The following DNAH10 variants were observed in gnomAD, a reference collection of about 807,000 sequenced individuals.
DNAH10 encodes dynein axonemal heavy chain 10.
In DNAH10, 348 loss-of-function variants were observed where a neutral mutation model predicts 506.6. That is an observed-to-expected ratio of 0.69 (90% CI 0.63 to 0.75). The LOEUF (loss-of-function observed/expected upper bound fraction) is 0.75, where lower values mean the gene tolerates loss of function less well. Ranked by LOEUF, DNAH10 falls within the 30% of genes least tolerant of loss-of-function variation. The pLI, the probability that DNAH10 is intolerant of heterozygous loss-of-function variation, is 0.00. For missense variants in DNAH10, 5,179 were observed against 5,787.1 expected (o/e 0.89, Z 3.41); for synonymous variants, 2,059 against 2,198.6 (o/e 0.94, Z 1.78).
At chr12:123,786,112 G>A (rs1957840510) in intron 9 of DNAH10, among the ~76,000 whole-genome samples, 176 bp downstream of exon 9, 1 of 151,976 alleles carries the variant, frequency 6.6e-6, no homozygotes, top group South Asian at 2.1e-4. Flanking sequence ...AGCACTTTGG[G>A]AGGCCGAGGT....
chr12:123,868,913 GC>G (rs1951917050), intron 43 of DNAH10, among the ~76,000 whole-genome samples: 1 of 152,210 alleles, frequency 6.6e-6, no homozygotes, highest in African/African-American at 2.4e-5. Context: ...TTTGGGGAGT[GC>G]TTTTCAGCTC....
chr12:123,817,747 T>C (rs931724123), intron 21 of DNAH10, among the ~76,000 whole-genome samples: 3 of 152,178 alleles, frequency 2.0e-5, no homozygotes, highest in Admixed American at 1.3e-4. Context: ...GCCTGTGTGA[T>C]AAATTGGAGA....
chr12:123,799,478 A>G, intron 14 of DNAH10, 107 bp downstream of exon 14: 1 of 1,436,026 alleles, frequency 7.0e-7, no homozygotes, highest in South Asian at 1.5e-5. Flanking sequence ...GTCAGTTTCC[A>G]GAATCAAAGA....
chr12:123,857,827 A>G (rs1254431536), intron 37 of DNAH10, among the ~76,000 whole-genome samples: 1 of 152,228 alleles, frequency 6.6e-6, no homozygotes, highest in African/African-American at 2.4e-5. Flanking sequence ...GAACGTTTTC[A>G]TATTGCAAAA....
At position 123,919,101 on chromosome 12, in the gene DNAH10, G is replaced by A; in HGVS notation, c.11506+152G>A. 9.8e-7 allele frequency: 1 copy of A among 1,020,020 alleles called. No individual in the cohort carries two copies. Among genetic ancestry groups the A allele is most frequent in the Non-Finnish European group, 1.4e-6 (1 of 735,512 alleles). 63.2% of individuals were successfully genotyped at this position (1,020,020 alleles called of 1,614,324 possible). A position where few individuals can be genotyped will look rare whatever the true frequency, so the allele number is the denominator to read the frequency against. On this transcript the variant is annotated intron_variant, in intron 65 of 78. Transcript: ENST00000673944. This position sits in a 1 kb window ranked among gnomAD's most constrained non-coding sequence, Gnocchi z 4.9. Reference sequence around the variant, plus strand: ...TCTTTTTCTTTTTTTTTTGAGATAGGGTCTTGCTCCATCACCCAGGCTGGA... The same window carrying A: ...TCTTTTTCTTTTTTTTTTGAGATAGAGTCTTGCTCCATCACCCAGGCTGGA...
intron 17 of DNAH10, among the ~76,000 whole-genome samples, chr12:123,804,584 G>C (rs989694674): frequency 1.1e-4 from 17 of 151,574 alleles, no homozygotes; most frequent in African/African-American, 4.1e-4. Context: ...AGGAATTCAA[G>C]ATATGTCAAC....
intron 12 of DNAH10, 39 bp downstream of exon 12, chr12:123,794,151 A>G (rs1958189284): frequency 9.1e-7 from 1 of 1,096,102 alleles, no homozygotes; most frequent in Non-Finnish European, 1.1e-6. Flanking sequence ...CATTAAAAAT[A>G]CACTTGGCAA....
At position 123,926,917 on chromosome 12, in the gene DNAH10, C is replaced by A; in HGVS notation, c.12105+97C>A. The A allele has an allele frequency of 7.4e-7, 1 of 1,360,212 alleles. No homozygotes were observed. The highest frequency in any genetic ancestry group is 2.4e-5 in the East Asian group (1 of 41,128). The allele number at this position is 1,360,212 out of a possible 1,614,324, so 84.3% of individuals were successfully genotyped here. ...CCTGGGTTTAAGCTGAGTGCCACGC[C>A]ACAAATCAGTTGGATGCATTTCCGA... On this transcript the variant is annotated intron_variant, in intron 69 of 78. Coordinates refer to ENST00000673944, the MANE Select transcript of DNAH10 (RefSeq NM_001372106.1). This position sits in a 1 kb window ranked among gnomAD's most constrained non-coding sequence, Gnocchi z 4.1.
rs1385354304 is a variant in DNAH10, at chr12:123,929,744, G to T, written c.12597G>T (p.Lys4199Asn). The T allele has an allele frequency of 6.2e-7, 1 of 1,612,694 alleles. No individual in the cohort carries two copies. The highest frequency in any genetic ancestry group is 8.5e-7 in the Non-Finnish European group (1 of 1,179,386). The change falls in exon 72 of 79, where the codon AAG becomes AAT. Residue 4199 changes from lysine to asparagine, a missense_variant. Coordinates refer to ENST00000673944, the MANE Select transcript of DNAH10 (RefSeq NM_001372106.1). ...CAAGGATCCCGTGGGGCAGCCTCAA[G>T]TACCTAATTGGAGAGGTAGGGGTGA... ...RDPRIPWGSL[K>N]YLIGEVMYGG...
At chr12:123,799,416 G>A in intron 14 of DNAH10, 45 bp downstream of exon 14, 1 of 1,582,320 alleles carries the variant, frequency 6.3e-7, no homozygotes, top group Non-Finnish European at 8.6e-7. Flanking sequence ...GTGAGACGAT[G>A]GCGTCTGCCA....
At chr12:123,811,788 C>T (rs536568733) in intron 19 of DNAH10, among the ~76,000 whole-genome samples, 1 of 152,068 alleles carries the variant, frequency 6.6e-6, no homozygotes, top group Non-Finnish European at 1.5e-5. Flanking sequence ...CAGGCGTGAG[C>T]CACTGCGCCT....
In DNAH10 at chr12:123,787,884, C is replaced by T. The variant is rs1247007253; in HGVS notation, c.1502C>T (p.Thr501Ile). The change falls in exon 10 of 79, where the codon ACC becomes ATC. Residue 501 changes from threonine (T) to isoleucine (I), a missense_variant. Thr to Ile is a moderately conservative substitution (Grantham distance 89, BLOSUM62 -1). Around this residue, in one of 3 missense-constraint regions of DNAH10, gnomAD observed 4,844 missense variants for 5,430.5 expected, o/e 0.89. Coordinates refer to ENST00000673944, the MANE Select transcript of DNAH10 (RefSeq NM_001372106.1). The surrounding 1 kb of genome is among the most constrained non-coding windows in gnomAD (Gnocchi z 4.6). ...CTGTGGAAAAAGGCCTATTTTGACA[C>T]CCGGGCCAAGATAGAGGCTTCGGGG... Reference protein sequence around the residue: ...LRLWKKAYFDTRAKIEASGRE... With the variant: ...LRLWKKAYFDIRAKIEASGRE... 2.0e-5 allele frequency: 32 copies of T among 1,613,644 alleles called. No individual in the cohort carries two copies. The highest frequency in any genetic ancestry group is 5.3e-5 in the African/African-American group (4 of 74,934).
rs1952394766 is a variant in DNAH10, at chr12:123,879,292, G to A, written c.8401G>A (p.Val2801Ile). ...CCAGACGGTGGCCCAGATGGTGAGAGTCTGGAGGAATGAGTGTCTGAGAGT... is the reference window on the plus strand; with the variant it reads ...CCAGACGGTGGCCCAGATGGTGAGAATCTGGAGGAATGAGTGTCTGAGAGT... Reference protein sequence around the residue: ...RFQTVAQMVRVWRNECLRVFH... With the variant: ...RFQTVAQMVRIWRNECLRVFH... The change falls in exon 49 of 79, where the codon GTC becomes ATC. Residue 2801 changes from valine (V) to isoleucine (I), a missense_variant. By Grantham distance (29) the Val-to-Ile change is conservative. Coordinates refer to ENST00000673944, the MANE Select transcript of DNAH10 (RefSeq NM_001372106.1). 2 of 1,579,884 alleles carry A rather than the reference G, an allele frequency of 1.3e-6. No homozygotes were observed. Among genetic ancestry groups the A allele is most frequent in the African/African-American group, 2.7e-5 (2 of 74,252 alleles).
chr12:123,914,526 T>C lies in DNAH10; in HGVS notation c.10550T>C (p.Leu3517Pro). The C allele has an allele frequency of 6.2e-7, 1 of 1,613,358 alleles. No homozygotes were observed. The highest frequency in any genetic ancestry group is 8.5e-7 in the Non-Finnish European group (1 of 1,179,780). The stretch of plus-strand genomic sequence containing the variant: ...CAGCCTTTCCGGCTGGAAAGCCTGC[T>C]CACGGATGATGTTGAGATCAGCAGG... The part of the protein sequence containing the change: ...LSQPFRLESL[L>P]TDDVEISRWG... The change falls in exon 61 of 79, where the codon CTC (leucine) becomes CCC (proline). Residue 3517 changes from leucine to proline, a missense_variant. By Grantham distance (98) the Leu-to-Pro change is moderately conservative. Around this residue, in one of 3 missense-constraint regions of DNAH10, gnomAD observed 4,844 missense variants for 5,430.5 expected, o/e 0.89. Transcript: ENST00000673944.
At chr12:123,835,135 T>C (rs1960999570) in intron 27 of DNAH10, among the ~76,000 whole-genome samples, 1 of 152,246 alleles carries the variant, frequency 6.6e-6, no homozygotes, top group African/African-American at 2.4e-5. Context: ...CACCCTCTTC[T>C]CATAACTAGA....
chr12:123,820,469 G>T, intron 23 of DNAH10, 111 bp from the exon 24 acceptor site: 1 of 1,116,262 alleles, frequency 9.0e-7, no homozygotes, highest in Admixed American at 2.7e-5. Flanking sequence ...GTCTTCCCGT[G>T]TGGTTTATGA....
At chr12:123,898,052 T>C in intron 55 of DNAH10, 85 bp downstream of exon 55, 2 of 1,323,862 alleles carry the variant, frequency 1.5e-6, no homozygotes, top group Non-Finnish European at 1.0e-6. Flanking sequence ...TTTAGTAAGA[T>C]GGGGCATCTT....
chr12:123,894,403 T>C (rs111598290), intron 53 of DNAH10, among the ~76,000 whole-genome samples: 19,077 of 152,004 alleles, frequency 0.13, 2,075 homozygotes, highest in African/African-American at 0.3. Flanking sequence ...ATTACAGGTG[T>C]GCACCACTAC....
chr12:123,874,578 CCCAT>C (rs1402214075), intron 46 of DNAH10, among the ~76,000 whole-genome samples: 2 of 142,614 alleles, frequency 1.4e-5, no homozygotes, highest in Non-Finnish European at 3.0e-5. Flanking sequence ...TACCCATCCA[CCCAT>C]CCATCCATCC....
Sources: allele counts gnomAD v4.1 joint callset (sites outside exome capture counted in the v4.1 genomes callset), GRCh38; gene constraint gnomAD v4.1.1; regional missense constraint gnomAD v4.1.1; non-coding constraint Gnocchi (gnomAD v3.1); transcripts MANE v1.5; gene names NCBI Gene and HGNC (gene_info 2026-07-23, HGNC 2026-07-21).